The following SLC35F3 variants were observed in gnomAD, a reference collection of about 807,000 sequenced individuals.
SLC35F3 encodes the protein putative thiamine transporter SLC35F3.
Under a neutral mutation model 49.9 loss-of-function variants are expected in SLC35F3, and 25 were observed. The ratio of observed to expected loss-of-function variants is 0.50; its 90% CI spans 0.37 to 0.70. The LOEUF (loss-of-function observed/expected upper bound fraction) is 0.70, where lower values mean the gene tolerates loss of function less well. Ranked by LOEUF, SLC35F3 falls within the 30% of genes least tolerant of loss-of-function variation. The pLI, the probability that SLC35F3 is intolerant of heterozygous loss-of-function variation, is 0.00. For missense variants in SLC35F3, 525 were observed against 639.8 expected (o/e 0.82, Z 1.94); for synonymous variants, 275 against 265.4 (o/e 1.04, Z -0.35).
intron 2 of SLC35F3, among the ~76,000 whole-genome samples, chr1:233,963,415 C>T (rs541958197): frequency 6.4e-4 from 98 of 152,168 alleles, no homozygotes; most frequent in African/African-American, 2.2e-3. Context: ...ATTCTTCTGC[C>T]TCAGCCTCCC....
chr1:233,956,594 G>C (rs1662708385), intron 2 of SLC35F3, among the ~76,000 whole-genome samples: 1 of 152,234 alleles, frequency 6.6e-6, no homozygotes, highest in African/African-American at 2.4e-5. Context: ...AGCAGGAAAA[G>C]TAATTGGAAA....
chr1:234,232,312 G>A (rs1024063911), intron 3 of SLC35F3, among the ~76,000 whole-genome samples: 1 of 151,942 alleles, frequency 6.6e-6, no homozygotes, highest in African/African-American at 2.4e-5. Flanking sequence ...GAGTCCATTG[G>A]AATGACGTCC....
chr1:234,094,802 G>A (rs964699052), intron 2 of SLC35F3, among the ~76,000 whole-genome samples: 3 of 152,168 alleles, frequency 2.0e-5, no homozygotes, highest in Non-Finnish European at 4.4e-5. Context: ...TCTAAAGGGG[G>A]CAGAGATGGC....
At chr1:234,199,724 A>G (rs144716948) in intron 2 of SLC35F3, among the ~76,000 whole-genome samples, 1 of 152,276 alleles carries the variant, frequency 6.6e-6, no homozygotes, top group East Asian at 1.9e-4. Context: ...TTGGAAGAAA[A>G]TATTTGCAAA....
intron 2 of SLC35F3, among the ~76,000 whole-genome samples, chr1:234,086,800 C>A (rs1664968454): frequency 6.6e-6 from 1 of 152,140 alleles, no homozygotes; most frequent in Non-Finnish European, 1.5e-5. Flanking sequence ...CTTGGAGATG[C>A]CAGGAAATGG....
At chr1:234,147,409 TTA>T (rs1237944769) in intron 2 of SLC35F3, among the ~76,000 whole-genome samples, 1 of 152,198 alleles carries the variant, frequency 6.6e-6, no homozygotes, top group African/African-American at 2.4e-5. Context: ...ACATAATTCT[TTA>T]TGTTTCATAT....
At chr1:234,302,307 AAC>A (rs758744396) in intron 3 of SLC35F3, among the ~76,000 whole-genome samples, 2 of 152,162 alleles carry the variant, frequency 1.3e-5, no homozygotes, top group Non-Finnish European at 2.9e-5. Context: ...TTCAGGGAGA[AAC>A]AGTCAACAAT....
chr1:234,305,304 T>C (rs189644238), intron 3 of SLC35F3, among the ~76,000 whole-genome samples: 3 of 152,262 alleles, frequency 2.0e-5, no homozygotes, highest in Admixed American at 6.5e-5. Flanking sequence ...GCAGAACTTA[T>C]AGATTTTTAC....
chr1:234,312,296 G>A (rs1030766555), intron 4 of SLC35F3, among the ~76,000 whole-genome samples: 2 of 152,140 alleles, frequency 1.3e-5, no homozygotes. Context: ...AAACCAGGAG[G>A]GACGGGGGAA....
intron 2 of SLC35F3, among the ~76,000 whole-genome samples, chr1:234,184,866 T>C (rs1666611491): frequency 6.6e-6 from 1 of 152,170 alleles, no homozygotes; most frequent in Non-Finnish European, 1.5e-5. Flanking sequence ...AGCTTTGACA[T>C]TACCTGACAG....
chr1:234,313,065 C>T (rs1558107608), intron 4 of SLC35F3, among the ~76,000 whole-genome samples: 2 of 152,014 alleles, frequency 1.3e-5, no homozygotes, highest in South Asian at 4.1e-4. Flanking sequence ...TTTGTAGAGA[C>T]AGAGTCTCAC....
chr1:234,111,438 T>C (rs553559005), intron 2 of SLC35F3, among the ~76,000 whole-genome samples: 9 of 152,312 alleles, frequency 5.9e-5, no homozygotes, highest in African/African-American at 2.2e-4. Context: ...ATTACAAGTG[T>C]GCACCACCAT....
rs1475249966 is a variant in SLC35F3 at position 234,309,190 on chromosome 1, C to A, written c.698C>A (p.Thr233Lys). ...CCCTTTGGTGTTCTTTGGACACTCA[C>A]AAACTACCTGTACTTACATGCAATA... is the stretch of plus-strand genomic sequence containing the variant. ...AAPFGVLWTL[T>K]NYLYLHAIKK... The change falls in exon 4 of 8, where the codon ACA becomes AAA. Residue 233 changes from threonine to lysine, a missense_variant. Physicochemically the swap from Thr to Lys is moderately conservative, Grantham distance 78 (BLOSUM62 -1). Transcript: ENST00000366618. The A allele has an allele frequency of 6.2e-7, 1 of 1,614,212 alleles. No homozygotes were observed. Among genetic ancestry groups the A allele is most frequent in the Admixed American group, 1.7e-5 (1 of 60,026 alleles).
At chr1:233,994,705 G>A (rs1572012503) in intron 2 of SLC35F3, among the ~76,000 whole-genome samples, 2 of 152,208 alleles carry the variant, frequency 1.3e-5, no homozygotes, top group South Asian at 4.1e-4. Flanking sequence ...TGGAAATTAA[G>A]TGATTGGGTT....
intron 2 of SLC35F3, among the ~76,000 whole-genome samples, chr1:233,965,625 A>T (rs1426282393): frequency 6.6e-6 from 1 of 152,198 alleles, no homozygotes; most frequent in African/African-American, 2.4e-5. Context: ...CAAGGGCCTC[A>T]TTCTCACAAC....
chr1:234,271,993 G>A (rs1403182320), intron 3 of SLC35F3, among the ~76,000 whole-genome samples: 3 of 152,160 alleles, frequency 2.0e-5, no homozygotes, highest in Admixed American at 2.0e-4. Flanking sequence ...AGGCATGGTG[G>A]AGCATGCCTG....
intron 5 of SLC35F3, among the ~76,000 whole-genome samples, chr1:234,317,017 AGATTCCT>A (rs1356906847): frequency 1.3e-5 from 2 of 152,210 alleles, no homozygotes; most frequent in Non-Finnish European, 2.9e-5. Flanking sequence ...CCGCACAGTC[AGATTCCT>A]GACATCATTG....
intron 2 of SLC35F3, among the ~76,000 whole-genome samples, chr1:234,093,703 C>G (rs992851126): frequency 9.2e-5 from 14 of 152,358 alleles, no homozygotes; most frequent in African/African-American, 3.4e-4. Context: ...AGCTCCAGCC[C>G]CGGGCCCTGC....
intron 2 of SLC35F3, among the ~76,000 whole-genome samples, chr1:233,960,368 C>T (rs530018107): frequency 6.6e-5 from 10 of 152,256 alleles, no homozygotes; most frequent in African/African-American, 9.6e-5. Flanking sequence ...TCTTTTTCTC[C>T]GTTATCCTCC....
Sources: gnomAD v4.1 joint callset for allele counts (sites outside exome capture counted in the v4.1 genomes callset) on GRCh38, gnomAD v4.1.1 for gene constraint, MANE v1.5 for transcripts, NCBI Gene and HGNC (gene_info 2026-07-23, HGNC 2026-07-21) for gene names.